ADGRL2: variants seen among roughly 807,000 people sequenced by gnomAD.
The protein encoded by ADGRL2 is calcium-independent alpha-latrotoxin receptor 2.
In ADGRL2, 44 loss-of-function variants were observed where a neutral mutation model predicts 157.4. That is an observed-to-expected ratio of 0.28 (90% confidence interval 0.22 to 0.36). The LOEUF (loss-of-function observed/expected upper bound fraction) is 0.36, where lower values mean the gene tolerates loss of function less well. Ranked by LOEUF, ADGRL2 falls within the 10% of genes least tolerant of loss-of-function variation. ADGRL2 has a pLI of 1.00. For missense variants in ADGRL2, 1,510 were observed against 1,768.9 expected, an observed-to-expected ratio of 0.85 and a Z score of 2.63; for synonymous variants, 585 against 624.7, an observed-to-expected ratio of 0.94 and a Z score of 0.95.
At chr1:81,914,152 C>CT (rs1262994664) in intron 3 of ADGRL2, among the ~76,000 whole-genome samples, 5 of 152,090 alleles carry the variant, frequency 3.3e-5, no homozygotes, top group Non-Finnish European at 4.4e-5. Context: ...TGTGTATACT[C>CT]TCGTTGACGT....
At position 81,943,953 on chromosome 1, in the gene ADGRL2, T is replaced by C. The variant is rs1572270930; in HGVS notation, c.1210+184T>C. Among the ~76,000 whole-genome samples the C allele has an allele frequency of 6.6e-6, 1 of 152,086 alleles. No homozygotes were observed. The highest frequency in any genetic ancestry group is 2.4e-5 in the African/African-American group (1 of 41,454). ...CTTTTTCTCAATTTCTTCATTTTAATGTTGGCTTCAAGAAATTGTGGCATT... is the reference window on the plus strand; with the variant it reads ...CTTTTTCTCAATTTCTTCATTTTAACGTTGGCTTCAAGAAATTGTGGCATT... On this transcript the variant is annotated intron_variant, in intron 6 of 23. Coordinates refer to ENST00000686636, the MANE Select transcript of ADGRL2 (RefSeq NM_001366006.2). The surrounding 1 kb of genome is among the most constrained non-coding windows in gnomAD (Gnocchi z 5.6).
rs139466874 is a variant in ADGRL2 at position 81,336,596 on chromosome 1, A to C, written c.-302+30087A>C. Among the ~76,000 whole-genome samples the C allele has an allele frequency of 5.6e-4, 85 of 152,310 alleles. 1 individual carries two copies. Among genetic ancestry groups the C allele is most frequent in the African/African-American group, 1.6e-3 (66 of 41,584 alleles). On this transcript the variant is annotated intron_variant, in intron 1 of 24. Transcript: ENST00000370721. ...TATATATGTATGGCTGTCAGTGCAC[A>C]AAGTTTCTAGTTGATACCATAATCC... is the stretch of plus-strand genomic sequence containing the variant.
intron 2 of ADGRL2, among the ~76,000 whole-genome samples, chr1:81,766,641 AC>A (rs1168210051): frequency 6.6e-6 from 1 of 151,628 alleles, no homozygotes; most frequent in East Asian, 1.9e-4. Flanking sequence ...GACCAGCCTG[AC>A]CAACATAAAG....
intron 2 of ADGRL2, among the ~76,000 whole-genome samples, chr1:81,546,263 T>C (rs1027382238): frequency 1.3e-5 from 2 of 152,194 alleles, no homozygotes; most frequent in African/African-American, 2.4e-5. Context: ...CCCAGCACTA[T>C]GGGTTACACG....
In ADGRL2 at chr1:81,412,861, T is replaced by C. The variant is rs60672212; in HGVS notation, c.-301-32175T>C. On this transcript the variant is annotated intron_variant, in intron 1 of 24. Transcript: ENST00000370721. ...CCAGTTTTAAATAGACAGAGCTTCCTGGGTGTATTTCTAAAAAGAGGAACT... is the reference window on the plus strand; with the variant it reads ...CCAGTTTTAAATAGACAGAGCTTCCCGGGTGTATTTCTAAAAAGAGGAACT... Among the ~76,000 whole-genome samples the C allele has an allele frequency of 2.5e-3, 386 of 151,546 alleles. 1 individual carries two copies. The highest frequency in any genetic ancestry group is 8.9e-3 in the African/African-American group (370 of 41,494).
chr1:81,351,685 A>G (rs1365635948), intron 1 of ADGRL2, among the ~76,000 whole-genome samples: 3 of 152,200 alleles, frequency 2.0e-5, no homozygotes, highest in Admixed American at 2.0e-4. Flanking sequence ...CCTAGATGGA[A>G]GGTGCTGAAT....
At chr1:81,548,576 G>A (rs1199301991) in intron 2 of ADGRL2, among the ~76,000 whole-genome samples, 1 of 152,032 alleles carries the variant, frequency 6.6e-6, no homozygotes, top group African/African-American at 2.4e-5. Context: ...CCATTTTTAA[G>A]TAGTTTCACA....
At chr1:81,598,038 T>C (rs1051802032) in intron 3 of ADGRL2, among the ~76,000 whole-genome samples, 2 of 152,240 alleles carry the variant, frequency 1.3e-5, no homozygotes, top group Non-Finnish European at 2.9e-5. Context: ...GGTTGAAGTC[T>C]GCCTCCAGAG....
chr1:81,386,440 A>G (rs1208044507), intron 1 of ADGRL2, among the ~76,000 whole-genome samples: 1 of 151,980 alleles, frequency 6.6e-6, no homozygotes, highest in African/African-American at 2.4e-5. Context: ...TTCCTCCCCT[A>G]TTTATTAGTC....
Position 81,657,009 on chromosome 1 carries a change from C to CAAAAAAAA in ADGRL2, c.-143+76042_-143+76049dup, listed in dbSNP as rs11383698. On this transcript the variant is annotated intron_variant, in intron 3 of 24. Transcript: ENST00000370721. ...TAGGTGATGGAGTGAGACCCTGTCT[C>CAAAAAAAA]AAAAAAAAAAAAAAAAAAAATTCAG... Among the ~76,000 whole-genome samples the CAAAAAAAA allele has an allele frequency of 3.8e-4, 41 of 109,260 alleles. No homozygotes were observed. The East Asian group carries it at 9.9e-3, about 26-fold the overall frequency. 71.7% of individuals were successfully genotyped at this position (109,260 alleles called of 152,430 possible). A position where few individuals can be genotyped will look rare whatever the true frequency, so the allele number is the denominator to read the frequency against.
At chr1:81,731,296 C>T (rs1266449444) in intron 1 of ADGRL2, among the ~76,000 whole-genome samples, 1 of 152,110 alleles carries the variant, frequency 6.6e-6, no homozygotes. Flanking sequence ...TTCCCACCTA[C>T]TTTTTTTCCC....
At chr1:81,497,867 G>A (rs546784183) in intron 2 of ADGRL2, among the ~76,000 whole-genome samples, 1 of 152,234 alleles carries the variant, frequency 6.6e-6, no homozygotes, top group Non-Finnish European at 1.5e-5. Context: ...AAAATTCAAA[G>A]GCTAAAGCAT....
chr1:81,800,386 G>C (rs1292252276), upstream of ADGRL2: 1 of 152,124 alleles, frequency 6.6e-6, no homozygotes, highest in Non-Finnish European at 1.5e-5. Flanking sequence ...GCAGCCGGAC[G>C]GAGGCAGCCG....
chr1:81,536,300 G>GT (rs1570424454), intron 2 of ADGRL2, among the ~76,000 whole-genome samples: 2 of 149,564 alleles, frequency 1.3e-5, no homozygotes, highest in South Asian at 2.2e-4. Flanking sequence ...ATATTTTACT[G>GT]GTTTTTTTTA....
chr1:81,956,115 G>A lies in ADGRL2; in HGVS notation c.2017+55G>A, dbSNP rs564862143. 1.4e-5 allele frequency: 18 copies of A among 1,302,566 alleles called. No individual in the cohort carries two copies. In the South Asian group the frequency reaches 2.8e-4, roughly 20 times the overall value. The allele number at this position is 1,302,566 out of a possible 1,614,324, so 80.7% of individuals were successfully genotyped here. ...TGATTTAGGATATTCATATGTAAGA[G>A]GATGATGTTTCCATTCTGTATCTGT... On this transcript the variant is annotated intron_variant, in intron 11 of 23. Coordinates refer to ENST00000686636, the MANE Select transcript of ADGRL2 (RefSeq NM_001366006.2).
intron 2 of ADGRL2, among the ~76,000 whole-genome samples, chr1:81,762,920 T>C (rs1282162918): frequency 6.6e-6 from 1 of 151,516 alleles, no homozygotes; most frequent in African/African-American, 2.4e-5. Context: ...GGTGTGGTGG[T>C]GAGCCCCTGT....
At chr1:81,479,349 G>A (rs193301742) in intron 2 of ADGRL2, among the ~76,000 whole-genome samples, 2,005 of 151,880 alleles carry the variant, frequency 0.013, 38 homozygotes, top group African/African-American at 0.04. Context: ...TGGGTGTGGT[G>A]GCGGGCACCT....
intron 1 of ADGRL2, chr1:81,427,236 G>A: frequency 2.6e-6 from 2 of 767,902 alleles, no homozygotes; most frequent in Non-Finnish European, 4.8e-6. Context: ...TATGCTGGTG[G>A]AGGTGGTGGC....
chr1:81,521,376 T>C (rs1433480825), intron 2 of ADGRL2, among the ~76,000 whole-genome samples: 3 of 152,166 alleles, frequency 2.0e-5, no homozygotes, highest in African/African-American at 4.8e-5. Flanking sequence ...TTATATAATA[T>C]ATACAGGTAA....
Sources: gnomAD v4.1 joint callset for allele counts (sites outside exome capture counted in the v4.1 genomes callset) on GRCh38, gnomAD v4.1.1 for gene constraint, Gnocchi (gnomAD v3.1) non-coding constraint, MANE v1.5 for transcripts, NCBI Gene and HGNC (gene_info 2026-07-23, HGNC 2026-07-21) for gene names.